ZFAT: variants seen among roughly 807,000 people sequenced by gnomAD.
ZFAT encodes the protein zinc finger protein ZFAT.
Under a neutral mutation model 117.7 loss-of-function variants are expected in ZFAT, and 64 were observed. The ratio of observed to expected loss-of-function variants is 0.54; its 90% confidence interval spans 0.44 to 0.67. ZFAT has a LOEUF of 0.67. ZFAT is among the 30% of genes least tolerant of loss of function. ZFAT has a pLI of 0.00. For synonymous variants in ZFAT, 679 were observed against 615.0 expected (o/e 1.10, Z -1.54); for missense variants, 1,433 against 1,584.5 (o/e 0.90, Z 1.62).
At chr8:134,571,082 C>T (rs1238354196) in intron 10 of ZFAT, among the ~76,000 whole-genome samples, 1 of 152,188 alleles carries the variant, frequency 6.6e-6, no homozygotes, top group Non-Finnish European at 1.5e-5. Flanking sequence ...GTGCCAGGAC[C>T]ATGCCTGATC....
chr8:134,565,402 C>T lies in ZFAT; in HGVS notation c.2907G>A (p.Thr969=), dbSNP rs371533675. The T allele has an allele frequency of 1.6e-4, 257 of 1,613,650 alleles. No individual in the cohort carries two copies. Among genetic ancestry groups the T allele is most frequent in the Admixed American group, 1.7e-4 (10 of 59,968 alleles). The change falls in exon 11 of 16, where the codon ACG becomes ACA. Residue 969 remains threonine (T), a synonymous_variant. Transcript: ENST00000377838. The stretch of plus-strand genomic sequence containing the variant: ...TCTGGGCCGCTGTGTAGTCACACAC[C>T]GTGCACTTAAACTGCTTCCCTGGAA... ...HTADGKQFKC[T]VCDYTAAQKP... is the part of the protein sequence containing the mutation.
the ZFAT span, among the ~76,000 whole-genome samples, chr8:134,747,557 C>G: frequency 6.6e-6 from 1 of 152,192 alleles, no homozygotes; most frequent in Non-Finnish European, 1.5e-5. Flanking sequence ...CTAACAATGT[C>G]TCTAACTACT....
the ZFAT span, among the ~76,000 whole-genome samples, chr8:134,823,507 T>G: frequency 1.3e-5 from 2 of 152,174 alleles, no homozygotes; most frequent in Admixed American, 1.3e-4. Flanking sequence ...ATCATTGTGT[T>G]CATTTTACTG....
At chr8:134,756,330 A>T in the ZFAT span, among the ~76,000 whole-genome samples, 1 of 152,212 alleles carries the variant, frequency 6.6e-6, no homozygotes, top group Non-Finnish European at 1.5e-5. Context: ...GTGCAGAGGC[A>T]GGGCAAGGTG....
At chr8:134,594,651 G>T (rs942060898) in intron 7 of ZFAT, among the ~76,000 whole-genome samples, 1 of 152,104 alleles carries the variant, frequency 6.6e-6, no homozygotes, top group East Asian at 1.9e-4. Flanking sequence ...AATTACTCTG[G>T]ACAGGCCCCT....
At chr8:134,514,206 A>C (rs1487168335) in intron 13 of ZFAT, among the ~76,000 whole-genome samples, 2 of 152,234 alleles carry the variant, frequency 1.3e-5, no homozygotes, top group Non-Finnish European at 2.9e-5. Flanking sequence ...GTATGGAGTC[A>C]ACTACCCAGT....
At chr8:134,741,722 T>C in the ZFAT span, among the ~76,000 whole-genome samples, 1 of 151,980 alleles carries the variant, frequency 6.6e-6, no homozygotes, top group Non-Finnish European at 1.5e-5. Context: ...ACTCATACAC[T>C]CTGCCTACTT....
At chr8:134,578,750 G>A (rs937057002) in intron 10 of ZFAT, among the ~76,000 whole-genome samples, 2 of 152,192 alleles carry the variant, frequency 1.3e-5, no homozygotes, top group African/African-American at 2.4e-5. Flanking sequence ...GTGTTGAGAA[G>A]CGGGAGAACT....
chr8:134,671,615 G>C (rs1322819109), intron 1 of ZFAT, among the ~76,000 whole-genome samples: 1 of 152,114 alleles, frequency 6.6e-6, no homozygotes, highest in Non-Finnish European at 1.5e-5. Context: ...AAAATAATAA[G>C]AGCTATTTAT....
intron 3 of ZFAT, among the ~76,000 whole-genome samples, chr8:134,624,215 CA>C (rs1457646400): frequency 1.8e-4 from 27 of 151,672 alleles, no homozygotes; most frequent in South Asian, 6.2e-4. Flanking sequence ...CACACACACA[CA>C]CACCCTTAAC....
At chr8:134,499,178 T>G (rs1818742104) in intron 15 of ZFAT, among the ~76,000 whole-genome samples, 1 of 134,928 alleles carries the variant, frequency 7.4e-6, no homozygotes, top group Non-Finnish European at 1.6e-5. Flanking sequence ...CTGCTGCTGG[T>G]TACACACAGA....
At chr8:134,510,062 G>A (rs1482926836) in intron 14 of ZFAT, 6 of 470,582 alleles carry the variant, frequency 1.3e-5, no homozygotes, top group East Asian at 6.5e-5. Context: ...TTGAACCCAC[G>A]TGCTCTGAGT....
the ZFAT span, chr8:134,793,732 C>CGGGGGGG: frequency 2.2e-3 from 330 of 148,350 alleles, 1 homozygote; most frequent in African/African-American, 4.7e-3. Context: ...GTCAAGAGTC[C>CGGGGGGG]GGGGGCTGGA....
chr8:134,604,036 G>A (rs1400856608), intron 5 of ZFAT, among the ~76,000 whole-genome samples: 2 of 152,178 alleles, frequency 1.3e-5, no homozygotes, highest in Admixed American at 6.5e-5. Context: ...CAGACACCAC[G>A]TTAGATTTTA....
At chr8:134,596,050 T>C (rs1826900315) in intron 7 of ZFAT, among the ~76,000 whole-genome samples, 2 of 152,132 alleles carry the variant, frequency 1.3e-5, no homozygotes, top group Admixed American at 6.5e-5. Context: ...GGGTCACAGG[T>C]AAGGAAACCA....
chr8:134,569,306 T>G (rs1346386110), intron 10 of ZFAT, among the ~76,000 whole-genome samples: 2 of 152,106 alleles, frequency 1.3e-5, no homozygotes, highest in Non-Finnish European at 2.9e-5. Flanking sequence ...GCTTATATTT[T>G]CAAATAAGTG....
intron 3 of ZFAT, among the ~76,000 whole-genome samples, chr8:134,620,675 C>T (rs1829048923): frequency 6.6e-6 from 1 of 152,214 alleles, no homozygotes. Flanking sequence ...TAGGATACAG[C>T]GCAGGGCCAA....
the ZFAT span, among the ~76,000 whole-genome samples, chr8:134,719,493 A>G: frequency 6.6e-6 from 1 of 152,162 alleles, no homozygotes. Flanking sequence ...GTGCTGTTTG[A>G]TTTAAGGGCT....
intron 15 of ZFAT, among the ~76,000 whole-genome samples, chr8:134,486,759 T>A (rs1455049493): frequency 1.3e-5 from 2 of 151,862 alleles, no homozygotes; most frequent in East Asian, 3.9e-4. Flanking sequence ...GAGAATGTAG[T>A]GAGCACCACG....
Sources: gnomAD v4.1 joint callset for allele counts (sites outside exome capture counted in the v4.1 genomes callset) on GRCh38, gnomAD v4.1.1 for gene constraint, MANE v1.5 for transcripts, NCBI Gene and HGNC (gene_info 2026-07-23, HGNC 2026-07-21) for gene names.